SMIM43: variants seen among roughly 807,000 people sequenced by gnomAD.
SMIM43 encodes the protein Nodal Enhanced MEsendoderm Peptide.
At chr4:121,762,903 A>G (rs924914412) in intron 2 of SMIM43, 105 bp from the exon 3 acceptor site, 5 of 152,270 alleles carry the variant, frequency 3.3e-5, no homozygotes, top group African/African-American at 1.2e-4. Flanking sequence ...CAATCCTTAC[A>G]AACAACTATA....
intron 5 of SMIM43, among the ~76,000 whole-genome samples, chr4:121,760,779 C>G (rs953033767): frequency 6.6e-6 from 1 of 152,128 alleles, no homozygotes. Flanking sequence ...ACTAATAAAA[C>G]AAAAGTCGCA....
rs1292228084 is a variant in SMIM43 at position 121,758,966 on chromosome 4, C to T, written c.*2008G>A. On this transcript the variant is annotated 3_prime_UTR_variant, in exon 6 of 6. Coordinates refer to ENST00000643802, the MANE Select transcript of SMIM43 (RefSeq NM_001384332.1). ...GTATAGTTTATTTTTATTTCATAGC[C>T]TTTTAAAAAATATAAGCCACCTAAT... is the stretch of plus-strand genomic sequence containing the variant. 1 of 152,070 alleles carries T rather than the reference C, an allele frequency of 6.6e-6. No individual in the cohort carries two copies. Among genetic ancestry groups the T allele is most frequent in the Non-Finnish European group, 1.5e-5 (1 of 68,000 alleles). 9.4% of individuals were successfully genotyped at this position (152,070 alleles called of 1,614,324 possible). A position where few individuals can be genotyped will look rare whatever the true frequency, so the allele number is the denominator to read the frequency against.
At chr4:121,762,088 A>C (rs1726103438) in intron 3 of SMIM43, among the ~76,000 whole-genome samples, 196 bp from the exon 4 acceptor site, 1 of 152,228 alleles carries the variant, frequency 6.6e-6, no homozygotes, top group East Asian at 1.9e-4. Context: ...TTATATAATA[A>C]GCAGTTATGT....
intron 1 of SMIM43, chr4:121,764,481 A>G (rs1726243200): frequency 1.3e-5 from 2 of 157,712 alleles, no homozygotes; most frequent in South Asian, 4.1e-4. Context: ...ATTCAGGTTA[A>G]CCTGCGATTT....
intron 2 of SMIM43, among the ~76,000 whole-genome samples, chr4:121,763,119 C>T (rs1257480862): frequency 6.6e-6 from 1 of 152,114 alleles, no homozygotes. Flanking sequence ...TGAGGATTTG[C>T]TCATACCATA....
chr4:121,760,522 T>A, intron 5 of SMIM43, 48 bp from the exon 6 acceptor site: 1 of 1,478,860 alleles, frequency 6.8e-7, no homozygotes, highest in Non-Finnish European at 9.0e-7. Flanking sequence ...TAATTAAGCC[T>A]GACACCCGTG....
In SMIM43 at chr4:121,759,329, T is replaced by G. The variant is rs760965061; in HGVS notation, c.*1645A>C. The G allele has an allele frequency of 6.6e-6, 1 of 152,180 alleles. No homozygotes were observed. The highest frequency in any genetic ancestry group is 1.5e-5 in the Non-Finnish European group (1 of 68,038). 9.4% of individuals were successfully genotyped at this position (152,180 alleles called of 1,614,324 possible). On this transcript the variant is annotated 3_prime_UTR_variant, in exon 6 of 6. Transcript: ENST00000643802. ...AGACAAATTCAATGGCAAGCTAGAA[T>G]AGTGAAGACCAGGGGATACCAAGCC...
Position 121,760,100 on chromosome 4 carries a change from T to G in SMIM43, c.*874A>C. The stretch of plus-strand genomic sequence containing the variant: ...TCTGTCAGAGGGGAGCAGTGCTGCT[T>G]GGAGCTTTGACAGTTGTGAAGGAAC... On this transcript the variant is annotated 3_prime_UTR_variant, in exon 6 of 6. Coordinates refer to ENST00000643802, the MANE Select transcript of SMIM43 (RefSeq NM_001384332.1). 6 of 770,648 alleles carry G rather than the reference T, an allele frequency of 7.8e-6. No individual in the cohort carries two copies. The highest frequency in any genetic ancestry group is 1.2e-5 in the Non-Finnish European group (6 of 516,862). The allele number at this position is 770,648 out of a possible 1,614,324, so 47.7% of individuals were successfully genotyped here. A position where few individuals can be genotyped will look rare whatever the true frequency, so the allele number is the denominator to read the frequency against.
At chr4:121,764,064 C>G (rs1219081102) in intron 1 of SMIM43, 192 bp from the exon 2 acceptor site, 2 of 152,288 alleles carry the variant, frequency 1.3e-5, no homozygotes, top group South Asian at 4.1e-4. Context: ...TTTCCTGTTT[C>G]CCTACACTAT....
chr4:121,761,172 T>C (rs906528555), intron 5 of SMIM43, among the ~76,000 whole-genome samples: 6 of 152,164 alleles, frequency 3.9e-5, no homozygotes, highest in Non-Finnish European at 5.9e-5. Flanking sequence ...CTTAACCTTC[T>C]CTTGTATGTG....
rs149760380 is a variant in SMIM43, at chr4:121,760,416, G to C, written c.*558C>G. 3 of 1,567,322 alleles carry C rather than the reference G, an allele frequency of 1.9e-6. No individual in the cohort carries two copies. The highest frequency in any genetic ancestry group is 2.6e-6 in the Non-Finnish European group (3 of 1,155,024). ...AAGTGGATTTGAACTGGCATGCCCC[G>C]TTTTCTCTGTGGGCTTCCTCCTTCT... On this transcript the variant is annotated 3_prime_UTR_variant, in exon 6 of 6. Coordinates refer to ENST00000643802, the MANE Select transcript of SMIM43 (RefSeq NM_001384332.1).
chr4:121,760,507 C>T, intron 5 of SMIM43, 33 bp from the exon 6 acceptor site: 1 of 1,499,952 alleles, frequency 6.7e-7, no homozygotes, highest in South Asian at 1.3e-5. Flanking sequence ...CCTCAGCAGC[C>T]ACCTTAATTA....
In SMIM43 at chr4:121,765,155, G is replaced by A; in HGVS notation, c.-50C>T. 1 of 394,148 alleles carries A rather than the reference G, an allele frequency of 2.5e-6. No homozygotes were observed. The highest frequency in any genetic ancestry group is 4.5e-6 in the Non-Finnish European group (1 of 223,126). The allele number at this position is 394,148 out of a possible 1,614,324, so 24.4% of individuals were successfully genotyped here. ...CCCTGCGCGCTCGGCGCGGGCTGCA[G>A]CTGGAGGGCGAGCGCGCCGCCCGCA... On this transcript the variant is annotated 5_prime_UTR_variant, in exon 1 of 6. Transcript: ENST00000643802.
chr4:121,765,224 A>G (rs986603935), upstream of SMIM43: 4 of 381,598 alleles, frequency 1.0e-5, no homozygotes, highest in African/African-American at 6.3e-5. Context: ...GCGTCCCGCT[A>G]TGGGCGCCGA....
chr4:121,759,051 GAC>G lies in SMIM43; in HGVS notation c.*1921_*1922del, dbSNP rs1725913619. 1 of 152,042 alleles carries G rather than the reference GAC, an allele frequency of 6.6e-6. No homozygotes were observed. Among genetic ancestry groups the G allele is most frequent in the Non-Finnish European group, 1.5e-5 (1 of 68,006 alleles). 9.4% of individuals were successfully genotyped at this position (152,042 alleles called of 1,614,324 possible). On this transcript the variant is annotated 3_prime_UTR_variant, in exon 6 of 6. Transcript: ENST00000643802. ...TGCCACAATATTACAAAAATAAAAT[GAC>G]ACAGAATAAATTGCACAAGAGAACA...
Position 121,760,381 on chromosome 4 carries a change from C to G in SMIM43, c.*593G>C, listed in dbSNP as rs1725991704. On this transcript the variant is annotated 3_prime_UTR_variant, in exon 6 of 6. Coordinates refer to ENST00000643802, the MANE Select transcript of SMIM43 (RefSeq NM_001384332.1). ...AAGTTATTGGGCTGCTGAGGAAGCTCTTTAAAAGGAAGTGGATTTGAACTG... is the reference window on the plus strand; with the variant it reads ...AAGTTATTGGGCTGCTGAGGAAGCTGTTTAAAAGGAAGTGGATTTGAACTG... 8 of 1,606,100 alleles carry G rather than the reference C, an allele frequency of 5.0e-6. No individual in the cohort carries two copies. In the East Asian group the frequency reaches 1.8e-4, roughly 36 times the overall value.
chr4:121,765,119 G>A lies in SMIM43; in HGVS notation c.-14C>T. ...TTCCCACTCCATGCTGGAGGCGCCGGCGCTCGCTGGCCCTGCGCGCTCGGC... is the reference window on the plus strand; with the variant it reads ...TTCCCACTCCATGCTGGAGGCGCCGACGCTCGCTGGCCCTGCGCGCTCGGC... On this transcript the variant is annotated 5_prime_UTR_variant, in exon 1 of 6. Coordinates refer to ENST00000643802, the MANE Select transcript of SMIM43 (RefSeq NM_001384332.1). 2.5e-6 allele frequency: 1 copy of A among 396,862 alleles called. No individual in the cohort carries two copies. Among genetic ancestry groups the A allele is most frequent in the Non-Finnish European group, 4.4e-6 (1 of 224,744 alleles). The allele number at this position is 396,862 out of a possible 1,614,324, so 24.6% of individuals were successfully genotyped here.
intron 3 of SMIM43, 145 bp from the exon 4 acceptor site, chr4:121,762,037 T>C: frequency 2.9e-6 from 2 of 681,972 alleles, no homozygotes; most frequent in Non-Finnish European, 4.9e-6. Flanking sequence ...AACCTTTTTA[T>C]TGAAAATAAA....
Position 121,760,076 on chromosome 4 carries a change from C to A in SMIM43, c.*898G>T. The stretch of plus-strand genomic sequence containing the variant: ...CTGACATGCCTTCACTCTGCTCACT[C>A]TGTCAGAGGGGAGCAGTGCTGCTTG... On this transcript the variant is annotated 3_prime_UTR_variant, in exon 6 of 6. Transcript: ENST00000643802. The A allele has an allele frequency of 1.9e-6, 1 of 531,788 alleles. No homozygotes were observed. The highest frequency in any genetic ancestry group is 3.0e-6 in the Non-Finnish European group (1 of 337,018). 32.9% of individuals were successfully genotyped at this position (531,788 alleles called of 1,614,324 possible). A position where few individuals can be genotyped will look rare whatever the true frequency, so the allele number is the denominator to read the frequency against.
Sources: gnomAD v4.1 joint callset for allele counts (sites outside exome capture counted in the v4.1 genomes callset) on GRCh38, gnomAD v4.1.1 for gene constraint, MANE v1.5 for transcripts, NCBI Gene and HGNC (gene_info 2026-07-23, HGNC 2026-07-21) for gene names.